The following ATP8B4 variants were observed in gnomAD, a reference collection of about 807,000 sequenced individuals.
ATP8B4 encodes ATPase phospholipid transporting 8B4 (putative), also known as probable phospholipid-transporting ATPase IM.
A neutral mutation model predicts 145.6 loss-of-function variants in ATP8B4; 133 were observed. The observed-to-expected ratio is 0.91, with a 90% CI of 0.79 to 1.05. ATP8B4 has a LOEUF of 1.05. Among genes scored for constraint, ATP8B4 ranks in the 50% least tolerant of loss-of-function variants. The pLI is 0.00. For synonymous variants in ATP8B4, 507 were observed against 492.9 expected (o/e 1.03, Z -0.38); for missense variants, 1,458 against 1,425.2 (o/e 1.02, Z -0.37).
At chr15:49,929,149 G>T (rs2413979) in intron 16 of ATP8B4, among the ~76,000 whole-genome samples, 20,130 of 152,110 alleles carry the variant, frequency 0.13, 2,004 homozygotes, top group African/African-American at 0.28. Flanking sequence ...GGAAAAAAGT[G>T]AGTGAGCTAT....
In ATP8B4 at chr15:49,953,175, GT is replaced by G. The variant is rs377001220; in HGVS notation, c.1287+8801del. On this transcript the variant is annotated intron_variant, in intron 14 of 27. Coordinates refer to ENST00000284509, the MANE Select transcript of ATP8B4 (RefSeq NM_024837.4). Reference sequence around the variant, plus strand: ...GGTGTCTGACAACCCCTGTTGAAGGGTCTCGCCCAGCTGGGTGGCATGGGGA... The same window carrying G: ...GGTGTCTGACAACCCCTGTTGAAGGGCTCGCCCAGCTGGGTGGCATGGGGA... 1.3e-3 allele frequency among the ~76,000 whole-genome samples: 196 copies of G among 152,102 alleles called. 1 individual carries two copies. Among genetic ancestry groups the G allele is most frequent in the African/African-American group, 4.6e-3 (191 of 41,500 alleles).
chr15:50,114,099 G>T (rs371753537), intron 1 of ATP8B4, among the ~76,000 whole-genome samples: 509 of 31,888 alleles, frequency 0.016, 1 homozygote, highest in Non-Finnish European at 0.02. Flanking sequence ...TGGTCTCCTA[G>T]TTTCTTTTTT....
chr15:49,953,807 TTTGG>T (rs1310928213), intron 14 of ATP8B4, among the ~76,000 whole-genome samples: 1 of 152,156 alleles, frequency 6.6e-6, no homozygotes, highest in African/African-American at 2.4e-5. Context: ...GATGCTAGAC[TTTGG>T]TGGGTTTGCA....
intron 1 of ATP8B4, among the ~76,000 whole-genome samples, chr15:50,133,826 G>A (rs2153679159): frequency 6.6e-6 from 1 of 152,112 alleles, no homozygotes; most frequent in East Asian, 1.9e-4. Context: ...TAAATCTTAA[G>A]CATTCTCTCC....
intron 1 of ATP8B4, among the ~76,000 whole-genome samples, chr15:50,165,970 AACACACACACACAC>A (rs149302745): frequency 6.8e-6 from 1 of 146,988 alleles, no homozygotes; most frequent in Non-Finnish European, 1.5e-5. Flanking sequence ...AATCCCAGAG[AACACACACACACAC>A]ACACACACAC....
chr15:50,031,191 G>A (rs1460987559), intron 6 of ATP8B4, among the ~76,000 whole-genome samples: 1 of 152,078 alleles, frequency 6.6e-6, no homozygotes, highest in African/African-American at 2.4e-5. Context: ...TTATGCCTAT[G>A]GCTGTTACAC....
chr15:49,869,920 C>T (rs937345148), intron 25 of ATP8B4, among the ~76,000 whole-genome samples: 3 of 152,258 alleles, frequency 2.0e-5, no homozygotes, highest in East Asian at 3.9e-4. Flanking sequence ...TTTAAATGTA[C>T]ATACTCTCTG....
intron 23 of ATP8B4, among the ~76,000 whole-genome samples, chr15:49,888,045 G>T (rs903552301): frequency 6.6e-6 from 1 of 152,082 alleles, no homozygotes; most frequent in African/African-American, 2.4e-5. Flanking sequence ...ACCTTTTGGG[G>T]GCCTTAAAAA....
intron 20 of ATP8B4, among the ~76,000 whole-genome samples, chr15:49,908,324 G>C (rs1426662611): frequency 6.6e-6 from 1 of 152,214 alleles, no homozygotes; most frequent in Non-Finnish European, 1.5e-5. Context: ...CCAAGATAGA[G>C]AGTAGATAAT....
intron 4 of ATP8B4, among the ~76,000 whole-genome samples, chr15:50,045,268 A>G (rs1238655453): frequency 6.6e-6 from 1 of 152,182 alleles, no homozygotes; most frequent in Non-Finnish European, 1.5e-5. Context: ...GAAATGTTGC[A>G]GACCTGGGTA....
At chr15:49,884,314 T>C (rs764014192) in intron 23 of ATP8B4, among the ~76,000 whole-genome samples, 16 of 152,038 alleles carry the variant, frequency 1.1e-4, no homozygotes, top group Non-Finnish European at 1.9e-4. Flanking sequence ...TTTGGAAAGC[T>C]TCCTTGGCCT....
chr15:49,914,349 T>C (rs1475895159), intron 20 of ATP8B4, among the ~76,000 whole-genome samples: 1 of 152,078 alleles, frequency 6.6e-6, no homozygotes, highest in Non-Finnish European at 1.5e-5. Context: ...AAGACTTAAA[T>C]ATAATCCCCA....
chr15:50,048,600 G>C (rs532333098), intron 3 of ATP8B4, among the ~76,000 whole-genome samples: 3 of 151,730 alleles, frequency 2.0e-5, no homozygotes, highest in Middle Eastern at 3.4e-3. Context: ...CCCAGCTACT[G>C]AGGAGGCTGA....
intron 6 of ATP8B4, among the ~76,000 whole-genome samples, chr15:50,023,759 CAA>C (rs2049773671): frequency 4.7e-5 from 1 of 21,392 alleles, no homozygotes; most frequent in Admixed American, 6.3e-4. Context: ...TCTGCACCCA[CAA>C]AAAATTGAGA....
At chr15:50,157,999 C>T (rs1174705115) in intron 1 of ATP8B4, among the ~76,000 whole-genome samples, 9 of 152,220 alleles carry the variant, frequency 5.9e-5, no homozygotes, top group East Asian at 3.9e-4. Context: ...GCAAGTGATC[C>T]GCCAGCCTCG....
At chr15:49,900,087 G>C (rs1235684160) in intron 21 of ATP8B4, among the ~76,000 whole-genome samples, 1 of 152,216 alleles carries the variant, frequency 6.6e-6, no homozygotes, top group Non-Finnish European at 1.5e-5. Flanking sequence ...TTAAGACCCA[G>C]ATGACAGTCG....
chr15:49,906,303 T>C (rs1472242649), intron 20 of ATP8B4, among the ~76,000 whole-genome samples: 2 of 152,260 alleles, frequency 1.3e-5, no homozygotes, highest in Non-Finnish European at 1.5e-5. Flanking sequence ...ACTATGCGTA[T>C]GTGTAATTTT....
chr15:49,953,489 G>A (rs1460236225), intron 14 of ATP8B4, among the ~76,000 whole-genome samples: 2 of 152,208 alleles, frequency 1.3e-5, no homozygotes, highest in Non-Finnish European at 2.9e-5. Flanking sequence ...CCCTCTGGCC[G>A]CAGACTACCA....
chr15:50,147,507 T>C (rs1234664271), intron 1 of ATP8B4, among the ~76,000 whole-genome samples: 1 of 151,380 alleles, frequency 6.6e-6, no homozygotes, highest in Non-Finnish European at 1.5e-5. Context: ...AGAAGGAGTA[T>C]ACCTGCACCC....
Sources: allele counts gnomAD v4.1 joint callset (sites outside exome capture counted in the v4.1 genomes callset), GRCh38; gene constraint gnomAD v4.1.1; transcripts MANE v1.5; gene names NCBI Gene and HGNC (gene_info 2026-07-23, HGNC 2026-07-21).